Variants in ACBD6 observed in about 807,000 individuals in gnomAD.
ACBD6 encodes acyl-CoA-binding domain-containing protein 6.
In ACBD6, 28 loss-of-function variants were observed where a neutral mutation model predicts 37.2. The observed-to-expected ratio is 0.75, with a 90% CI of 0.56 to 1.03. The LOEUF (loss-of-function observed/expected upper bound fraction) is 1.03, where lower values mean the gene tolerates loss of function less well. Among genes scored for constraint, ACBD6 ranks in the 50% least tolerant of loss-of-function variants. The pLI, the probability that ACBD6 is intolerant of heterozygous loss-of-function variation, is 0.00. For synonymous variants in ACBD6, 113 were observed against 126.8 expected, an observed-to-expected ratio of 0.89 and a Z score of 0.73; for missense variants, 340 against 337.4, an observed-to-expected ratio of 1.01 and a Z score of -0.06.
intron 7 of ACBD6, among the ~76,000 whole-genome samples, chr1:180,310,669 T>C (rs1227091927): frequency 6.6e-6 from 1 of 152,240 alleles, no homozygotes; most frequent in Non-Finnish European, 1.5e-5. Context: ...AGTTTTTCTC[T>C]GGTATGTACC....
intron 5 of ACBD6, among the ~76,000 whole-genome samples, chr1:180,406,279 T>C (rs1200003792): frequency 6.6e-6 from 1 of 152,138 alleles, no homozygotes; most frequent in Non-Finnish European, 1.5e-5. Flanking sequence ...TATATACTTA[T>C]TGATGGCCCC....
At chr1:180,342,763 G>A (rs1461393052) in intron 6 of ACBD6, among the ~76,000 whole-genome samples, 1 of 151,900 alleles carries the variant, frequency 6.6e-6, no homozygotes, top group Non-Finnish European at 1.5e-5. Flanking sequence ...TAGAATATAG[G>A]AACCTAAACC....
At chr1:180,381,527 C>T (rs1389346374) in intron 6 of ACBD6, among the ~76,000 whole-genome samples, 1 of 152,054 alleles carries the variant, frequency 6.6e-6, no homozygotes, top group Non-Finnish European at 1.5e-5. Flanking sequence ...CTTCTCAATC[C>T]ACAATGGAAT....
At chr1:180,332,365 T>C (rs1006426306) in intron 6 of ACBD6, among the ~76,000 whole-genome samples, 5 of 152,164 alleles carry the variant, frequency 3.3e-5, no homozygotes, top group African/African-American at 4.8e-5. Context: ...TACCTGTCCA[T>C]GGCCTGTTAG....
At chr1:180,386,041 G>A (rs189013222) in intron 6 of ACBD6, among the ~76,000 whole-genome samples, 55 of 152,232 alleles carry the variant, frequency 3.6e-4, no homozygotes, top group African/African-American at 9.1e-4. Context: ...ATGGTGGTGC[G>A]TACCTGTAGC....
Position 180,476,662 on chromosome 1 carries a change from C to T in ACBD6, c.384+15607G>A, listed in dbSNP as rs530969587. On this transcript the variant is annotated intron_variant, in intron 3 of 7. Transcript: ENST00000367595. ...TCAACATGGTGAAACCCCGTCTCTA[C>T]GAAAAATACAAAAATGAGCCGGGCG... Among the ~76,000 whole-genome samples, 54 of 152,130 alleles carry T rather than the reference C, an allele frequency of 3.5e-4. 1 individual carries two copies. The Middle Eastern group carries it at 0.014, about 38-fold the overall frequency.
chr1:180,455,984 G>A (rs1478532205), intron 3 of ACBD6, among the ~76,000 whole-genome samples: 1 of 152,048 alleles, frequency 6.6e-6, no homozygotes, highest in Non-Finnish European at 1.5e-5. Context: ...GCCAAGGCGG[G>A]CGGATCACCT....
downstream of ACBD6, among the ~76,000 whole-genome samples, chr1:180,284,247 C>T (rs1408687301): frequency 6.6e-6 from 1 of 152,124 alleles, no homozygotes; most frequent in Admixed American, 6.5e-5. Flanking sequence ...TCCAACATCT[C>T]TCTGGTGAAG....
chr1:180,400,842 A>G (rs59357483), intron 5 of ACBD6, among the ~76,000 whole-genome samples: 15,834 of 152,232 alleles, frequency 0.1, 1,185 homozygotes, highest in African/African-American at 0.2. Context: ...TACAATTATT[A>G]AACTATTTTA....
intron 3 of ACBD6, among the ~76,000 whole-genome samples, chr1:180,474,701 C>G (rs928622448): frequency 6.6e-6 from 1 of 152,106 alleles, no homozygotes; most frequent in Non-Finnish European, 1.5e-5. Context: ...TTTTAGCTAT[C>G]GAATATATTA....
chr1:180,271,896 G>A lies in ACBD6; in HGVS notation c.*1329C>T, dbSNP rs779158068. On this transcript the variant is annotated 3_prime_UTR_variant, in exon 14 of 14. Coordinates refer to the ACBD6 transcript ENST00000642319. ...CTGAAGAAGGATGCAGGGCGGCACCGCTGGGGGCAGTTCTATAAGAGCGTC... is the reference window on the plus strand; with the variant it reads ...CTGAAGAAGGATGCAGGGCGGCACCACTGGGGGCAGTTCTATAAGAGCGTC... The A allele has an allele frequency of 1.3e-5, 21 of 1,613,486 alleles. No homozygotes were observed. The highest frequency in any genetic ancestry group is 1.5e-5 in the Non-Finnish European group (18 of 1,179,944).
intron 6 of ACBD6, among the ~76,000 whole-genome samples, chr1:180,364,865 CTGGGACTATAGGCGTG>C (rs1277011459): frequency 6.6e-6 from 1 of 151,766 alleles, no homozygotes; most frequent in Non-Finnish European, 1.5e-5. Flanking sequence ...TCCCGAGTAG[CTGGGACTATAGGCGTG>C]TGCCACAACG....
chr1:180,318,162 C>T (rs1298632053), intron 6 of ACBD6, among the ~76,000 whole-genome samples: 4 of 42,974 alleles, frequency 9.3e-5, no homozygotes, highest in African/African-American at 4.8e-4. Context: ...ATTCCATCTC[C>T]GCCCCCCCCC....
intron 10 of ACBD6, chr1:180,274,469 A>C: frequency 6.2e-7 from 1 of 1,614,106 alleles, no homozygotes; most frequent in Non-Finnish European, 8.5e-7. Context: ...GCTGAGAGCC[A>C]TGGCTGGGGG....
chr1:180,311,372 G>C (rs1650586091), intron 7 of ACBD6, among the ~76,000 whole-genome samples: 1 of 152,174 alleles, frequency 6.6e-6, no homozygotes, highest in African/African-American at 2.4e-5. Flanking sequence ...CAAACTGTCA[G>C]GCTAACTTGC....
intron 6 of ACBD6, among the ~76,000 whole-genome samples, chr1:180,315,539 A>C (rs1396724702): frequency 6.6e-6 from 1 of 152,312 alleles, no homozygotes; most frequent in Admixed American, 6.5e-5. Context: ...TGAAACTGTT[A>C]ATCTGAATAA....
At chr1:180,499,585 T>C (rs559837224) in intron 1 of ACBD6, among the ~76,000 whole-genome samples, 1 of 152,172 alleles carries the variant, frequency 6.6e-6, no homozygotes, top group Non-Finnish European at 1.5e-5. Flanking sequence ...AACAAAGATA[T>C]GTCCTAGAAC....
chr1:180,480,802 G>T (rs973207977), intron 3 of ACBD6, among the ~76,000 whole-genome samples: 3 of 152,142 alleles, frequency 2.0e-5, no homozygotes, highest in African/African-American at 7.2e-5. Context: ...AGGCCGAGGT[G>T]GGTGGATGAC....
chr1:180,325,365 C>G (rs1391606113), intron 6 of ACBD6, among the ~76,000 whole-genome samples: 1 of 152,142 alleles, frequency 6.6e-6, no homozygotes, highest in Non-Finnish European at 1.5e-5. Context: ...GAGACTGATG[C>G]ATTCTTCACT....
Sources: gnomAD v4.1 joint callset for allele counts (sites outside exome capture counted in the v4.1 genomes callset) on GRCh38, gnomAD v4.1.1 for gene constraint, MANE v1.5 for transcripts, NCBI Gene and HGNC (gene_info 2026-07-23, HGNC 2026-07-21) for gene names.